The following RGPD3 variants were observed in gnomAD, a reference collection of about 807,000 sequenced individuals.
The protein encoded by RGPD3 is ranBP2-like and GRIP domain-containing protein 3.
Under a neutral mutation model 154.5 loss-of-function variants are expected in RGPD3, and 62 were observed. That is an observed-to-expected ratio of 0.40 (90% CI 0.33 to 0.50). The LOEUF is 0.50. Ranked by LOEUF, RGPD3 falls within the 20% of genes least tolerant of loss-of-function variation. The probability of loss-of-function intolerance (pLI) is 0.59; values close to 1 mark genes in which losing one functional copy is unlikely to be tolerated. For synonymous variants in RGPD3, 308 were observed against 607.0 expected (o/e 0.51, Z 7.24); for missense variants, 919 against 1,716.8 (o/e 0.54, Z 8.21).
Position 106,424,448 on chromosome 2 carries a change from G to C in RGPD3, c.3519C>G (p.Asp1173Glu), listed in dbSNP as rs762252273. 6.2e-7 allele frequency: 1 copy of C among 1,608,816 alleles called. No homozygotes were observed. The highest frequency in any genetic ancestry group is 8.5e-7 in the Non-Finnish European group (1 of 1,179,636). Residue 1173 changes from aspartate to glutamate, a missense_variant, in exon 20 of 23, where the codon GAC becomes GAG. Physicochemically the swap from Asp to Glu is conservative, Grantham distance 45. Transcript: ENST00000409886. The part of the protein sequence containing the change: ...KFEECQRLLL[D>E]IPLQTPHKLV... ...GTTTATGGGGAGTTTGAAGTGGTAT[G>C]TCTAACAGAAGCCGCTGGCATTCCT...
intron 22 of RGPD3, 86 bp from the exon 23 acceptor site, chr2:106,405,315 T>C: frequency 8.5e-7 from 1 of 1,169,992 alleles, no homozygotes; most frequent in Middle Eastern, 3.0e-4. Context: ...CACTCTACAA[T>C]ATAAGCAAAT....
In RGPD3 at chr2:106,425,118, T is replaced by G. The variant is rs747938293; in HGVS notation, c.2849A>C (p.Gln950Pro). ...PLENDTGLQA[Q>P]DISGRKKGRG... Reference sequence around the variant, plus strand: ...GCCCTTCTTCCGGCCACTAATATCCTGAGCCTGTAAGCCAGTATCATTTTC... The same window carrying G: ...GCCCTTCTTCCGGCCACTAATATCCGGAGCCTGTAAGCCAGTATCATTTTC... Residue 950 changes from glutamine to proline, a missense_variant, in exon 20 of 23, where the codon CAG becomes CCG. By Grantham distance (76) the Gln-to-Pro change is moderately conservative (BLOSUM62 -1). Transcript: ENST00000409886. The G allele has an allele frequency of 1.9e-6, 3 of 1,612,034 alleles. No homozygotes were observed. The East Asian group carries it at 6.7e-5, about 36-fold the overall frequency.
rs541064711 is a variant in RGPD3 at position 106,420,375 on chromosome 2, T to G, written c.4924+2668A>C. ...ACAGAAAAAACTTCTATATGCAACC[T>G]GTTCTGATCTACTAATGTAAAGAAG... On this transcript the variant is annotated intron_variant, in intron 20 of 22. Coordinates refer to ENST00000409886, the MANE Select transcript of RGPD3 (RefSeq NM_001144013.2). 1.7e-4 allele frequency among the ~76,000 whole-genome samples: 26 copies of G among 152,148 alleles called. 1 individual carries two copies. The South Asian group carries it at 5.4e-3, about 32-fold the overall frequency.
At position 106,466,454 on chromosome 2, in the gene RGPD3, G is replaced by A. The variant is rs1397274176; in HGVS notation, c.72+1763C>T. ...TGACGCCTGAGCCATCGAGGCCGCC[G>A]CTGGGCCGGGTCGAGGCCGGCGCCT... On this transcript the variant is annotated intron_variant, in intron 1 of 22. Transcript: ENST00000409886. 8.8e-4 allele frequency among the ~76,000 whole-genome samples: 102 copies of A among 115,792 alleles called. 3 individuals carry two copies. Among genetic ancestry groups the A allele is most frequent in the African/African-American group, 3.2e-3 (97 of 30,674 alleles). 76.0% of individuals were successfully genotyped at this position (115,792 alleles called of 152,430 possible).
intron 20 of RGPD3, among the ~76,000 whole-genome samples, chr2:106,421,131 G>C (rs79782212): frequency 0.081 from 12,205 of 150,772 alleles, 505 homozygotes; most frequent in African/African-American, 0.1. Flanking sequence ...TCCACTTCTG[G>C]TATTACTCAG....
intron 22 of RGPD3, among the ~76,000 whole-genome samples, chr2:106,410,457 C>G (rs1375967051): frequency 1.3e-5 from 2 of 152,050 alleles, no homozygotes; most frequent in East Asian, 3.9e-4. Flanking sequence ...TCTTTTAGAA[C>G]TTCTAAATCA....
intron 1 of RGPD3, among the ~76,000 whole-genome samples, chr2:106,463,804 A>C (rs529176587): frequency 0.01 from 1,574 of 152,276 alleles, 25 homozygotes; most frequent in African/African-American, 0.035. Context: ...TGAGGGTTTA[A>C]GTTGCTGAGT....
At chr2:106,463,332 C>G (rs1321898146) in intron 1 of RGPD3, among the ~76,000 whole-genome samples, 1 of 152,240 alleles carries the variant, frequency 6.6e-6, no homozygotes, top group Admixed American at 6.5e-5. Context: ...AAAAATTAGC[C>G]GGGCATGGTG....
chr2:106,414,875 A>T (rs1676777817), intron 21 of RGPD3, among the ~76,000 whole-genome samples: 1 of 151,912 alleles, frequency 6.6e-6, no homozygotes, highest in South Asian at 2.1e-4. Flanking sequence ...GGAGCAGCAA[A>T]GTACAGGGGA....
In RGPD3 at chr2:106,463,864, C is replaced by T. The variant is rs867398628; in HGVS notation, c.72+4353G>A. On this transcript the variant is annotated intron_variant, in intron 1 of 22. Coordinates refer to ENST00000409886, the MANE Select transcript of RGPD3 (RefSeq NM_001144013.2). ...CATACAAGCAAACCAAAAAATAAAGCAATTATTCAGTCCAGGAAAAACAAA... is the reference window on the plus strand; with the variant it reads ...CATACAAGCAAACCAAAAAATAAAGTAATTATTCAGTCCAGGAAAAACAAA... 8.6e-3 allele frequency among the ~76,000 whole-genome samples: 1,301 copies of T among 151,900 alleles called. 24 individuals carry two copies. Among genetic ancestry groups the T allele is most frequent in the African/African-American group, 0.03 (1,237 of 41,418 alleles).
chr2:106,412,560 G>A (rs1197608161), intron 22 of RGPD3, among the ~76,000 whole-genome samples: 3 of 151,126 alleles, frequency 2.0e-5, no homozygotes, highest in African/African-American at 4.9e-5. Context: ...CGCCTGCCTC[G>A]GCCTCCCAAA....
intron 9 of RGPD3, 95 bp downstream of exon 9, chr2:106,438,873 A>G (rs2104482508): frequency 7.2e-6 from 1 of 137,934 alleles, no homozygotes; most frequent in African/African-American, 3.9e-5. Flanking sequence ...AAAGGAATAC[A>G]GGAAAATATT....
chr2:106,424,492 C>T lies in RGPD3; in HGVS notation c.3475G>A (p.Glu1159Lys). The T allele has an allele frequency of 1.2e-6, 2 of 1,606,684 alleles. No homozygotes were observed. Among genetic ancestry groups the T allele is most frequent in the Non-Finnish European group, 1.7e-6 (2 of 1,179,416 alleles). Residue 1159 changes from glutamate (E) to lysine (K), a missense_variant, in exon 20 of 23, where the codon GAA becomes AAA. Coordinates refer to ENST00000409886, the MANE Select transcript of RGPD3 (RefSeq NM_001144013.2). ...AKFKTPELAE[E>K]FKQKFEECQR... ...CATTCCTCAAATTTCTGCTTGAATT[C>T]TTCAGCCAGCTCTGGTGTTTTAAAT...
Position 106,465,749 on chromosome 2 carries a change from T to G in RGPD3, c.72+2468A>C, listed in dbSNP as rs562794430. Among the ~76,000 whole-genome samples, 625 of 151,442 alleles carry G rather than the reference T, an allele frequency of 4.1e-3. 4 individuals are homozygous for G. The highest frequency in any genetic ancestry group is 0.021 in the South Asian group (98 of 4,768). On this transcript the variant is annotated intron_variant, in intron 1 of 22. Transcript: ENST00000409886. ...TAGAATTTTTTTTTTTTAAGCAAAG[T>G]CAGCTACCAAAGTGTTCCGGGCAGG...
At chr2:106,408,757 T>C (rs981884864) in intron 22 of RGPD3, among the ~76,000 whole-genome samples, 5 of 152,090 alleles carry the variant, frequency 3.3e-5, no homozygotes, top group Non-Finnish European at 1.5e-5. Flanking sequence ...CGACCAGAAG[T>C]TTGACTGCAG....
chr2:106,450,275 G>T (rs577610796), intron 6 of RGPD3, among the ~76,000 whole-genome samples: 1 of 70,936 alleles, frequency 1.4e-5, no homozygotes, highest in Non-Finnish European at 2.9e-5. Flanking sequence ...AGCTACTCAG[G>T]AGGCTGAGGC....
At chr2:106,422,371 G>GT (rs1677020685) in intron 20 of RGPD3, among the ~76,000 whole-genome samples, 1 of 126,878 alleles carries the variant, frequency 7.9e-6, no homozygotes, top group Non-Finnish European at 1.7e-5. Context: ...GTTTTTTTTT[G>GT]TTTTTTGTTT....
intron 20 of RGPD3, among the ~76,000 whole-genome samples, chr2:106,421,106 G>C (rs528734243): frequency 4.1e-4 from 62 of 152,270 alleles, no homozygotes; most frequent in South Asian, 2.7e-3. Context: ...TACACCGTAA[G>C]ATACAGATTC....
rs778503563 is a variant in RGPD3 at position 106,423,888 on chromosome 2, T to C, written c.4079A>G (p.His1360Arg). 7.4e-6 allele frequency: 12 copies of C among 1,611,836 alleles called. No individual in the cohort carries two copies. Among genetic ancestry groups the C allele is most frequent in the African/African-American group, 1.3e-5 (1 of 74,834 alleles). Residue 1360 changes from histidine to arginine, a missense_variant, in exon 20 of 23, where the codon CAC becomes CGC. By Grantham distance (29) the His-to-Arg change is conservative. Transcript: ENST00000409886. Reference protein sequence around the residue: ...GEENEQVVFSHRAEFYRYDKD... With the variant: ...GEENEQVVFSRRAEFYRYDKD... ...ATCATATCTGTAGAATTCTGCCCTG[T>C]GACTAAAAACAACTTGTTCATTTTC...
Sources: gnomAD v4.1 joint callset for allele counts (sites outside exome capture counted in the v4.1 genomes callset) on GRCh38, gnomAD v4.1.1 for gene constraint, MANE v1.5 for transcripts, NCBI Gene and HGNC (gene_info 2026-07-23, HGNC 2026-07-21) for gene names.